CDC7: variants seen among roughly 807,000 people sequenced by gnomAD.
CDC7 encodes cell division cycle 7-related protein kinase.
In CDC7, 34 loss-of-function variants were observed where a neutral mutation model predicts 53.5. The observed-to-expected ratio is 0.64, with a 90% CI of 0.48 to 0.85. The LOEUF (loss-of-function observed/expected upper bound fraction) is 0.85, where lower values mean the gene tolerates loss of function less well. Ranked by LOEUF, CDC7 falls within the 40% of genes least tolerant of loss-of-function variation. CDC7 has a pLI of 0.00. For synonymous variants in CDC7, 211 were observed against 222.8 expected (o/e 0.95, Z 0.47); for missense variants, 594 against 679.7 (o/e 0.87, Z 1.40).
Position 91,509,755 on chromosome 1 carries a change from T to C in CDC7, c.335+1358T>C, listed in dbSNP as rs369933916. Among the ~76,000 whole-genome samples the C allele has an allele frequency of 9.5e-4, 145 of 152,242 alleles. 1 individual carries two copies. Among genetic ancestry groups the C allele is most frequent in the African/African-American group, 3.4e-3 (140 of 41,546 alleles). ...CTTTCAGTGGTTTCCCTATGTACTT[T>C]GAAAAAAAAATTCAACCTTCTCATG... On this transcript the variant is annotated intron_variant, in intron 4 of 11. Coordinates refer to ENST00000234626, the MANE Select transcript of CDC7 (RefSeq NM_003503.4).
At chr1:91,511,146 T>C (rs974504457) in intron 4 of CDC7, among the ~76,000 whole-genome samples, 2 of 152,138 alleles carry the variant, frequency 1.3e-5, no homozygotes, top group Admixed American at 1.3e-4. Context: ...CTCAAAATCA[T>C]AGAAATCACC....
intron 9 of CDC7, 107 bp downstream of exon 9, chr1:91,515,104 G>T: frequency 1.3e-6 from 1 of 772,736 alleles, no homozygotes. Context: ...TCAGATCAGT[G>T]AACTGCAATG....
intron 7 of CDC7, 66 bp from the exon 8 acceptor site, chr1:91,513,882 G>T (rs1667415546): frequency 3.5e-6 from 4 of 1,142,250 alleles, no homozygotes; most frequent in Non-Finnish European, 3.9e-6. Flanking sequence ...AACTATGGCA[G>T]AGTACAGCTG....
chr1:91,520,846 G>A (rs1667902093), intron 11 of CDC7, among the ~76,000 whole-genome samples: 1 of 152,012 alleles, frequency 6.6e-6, no homozygotes. Flanking sequence ...TTAACTGATG[G>A]GATATTATTG....
intron 8 of CDC7, 42 bp downstream of exon 8, chr1:91,514,085 A>C: frequency 7.9e-7 from 1 of 1,273,298 alleles, no homozygotes; most frequent in Non-Finnish European, 1.1e-6. Context: ...AGTCAGTCAT[A>C]CACTGAAGAG....
intron 3 of CDC7, 47 bp downstream of exon 3, chr1:91,507,984 A>G: frequency 6.7e-7 from 1 of 1,490,640 alleles, no homozygotes; most frequent in Non-Finnish European, 9.0e-7. Context: ...TCTTTTTTCC[A>G]TTCTATTTTC....
At chr1:91,506,873 G>T (rs13447485) in intron 2 of CDC7, among the ~76,000 whole-genome samples, 2,989 of 152,126 alleles carry the variant, frequency 0.02, 97 homozygotes, top group African/African-American at 0.068. Context: ...TCTCTTGAAC[G>T]CAGGAGGCAG....
intron 1 of CDC7, 191 bp downstream of exon 1, chr1:91,501,139 G>C (rs886271066): frequency 6.6e-6 from 1 of 152,306 alleles, no homozygotes; most frequent in African/African-American, 2.4e-5. Context: ...GAGGGAAGCC[G>C]GTCCTTCCCG....
chr1:91,516,422 C>T (rs960242668), intron 10 of CDC7, among the ~76,000 whole-genome samples: 2 of 152,146 alleles, frequency 1.3e-5, no homozygotes, highest in South Asian at 2.1e-4. Context: ...ATCCAGGAAA[C>T]ATCTTGAATG....
intron 2 of CDC7, among the ~76,000 whole-genome samples, chr1:91,506,331 C>A (rs1324373385): frequency 6.6e-6 from 1 of 152,084 alleles, no homozygotes. Context: ...CAGCCCTCCC[C>A]CTACCCTAAT....
At chr1:91,507,406 T>C (rs1446138361) in intron 2 of CDC7, among the ~76,000 whole-genome samples, 1 of 152,234 alleles carries the variant, frequency 6.6e-6, no homozygotes, top group Non-Finnish European at 1.5e-5. Context: ...AGGCCTTCTC[T>C]CTGAAAATAT....
At chr1:91,504,678 G>A (rs1251438635) in intron 2 of CDC7, among the ~76,000 whole-genome samples, 1 of 152,098 alleles carries the variant, frequency 6.6e-6, no homozygotes, top group Non-Finnish European at 1.5e-5. Flanking sequence ...TATTCCTGCT[G>A]CCTTTTCACT....
chr1:91,520,112 A>G lies in CDC7; in HGVS notation c.1181-18A>G, dbSNP rs1413662372. On this transcript the variant is annotated intron_variant, in intron 10 of 11. Transcript: ENST00000234626. ...TATAGATTTGAAATTTATTTTTAAA[A>G]TTTGTCTTCTGTTGCAGCAATTGAC... The G allele has an allele frequency of 1.3e-6, 2 of 1,545,096 alleles. No individual in the cohort carries two copies. The highest frequency in any genetic ancestry group is 4.6e-5 in the East Asian group (2 of 43,394).
chr1:91,521,527 A>C (rs1396557986), intron 11 of CDC7, among the ~76,000 whole-genome samples: 2 of 152,232 alleles, frequency 1.3e-5, no homozygotes, highest in African/African-American at 4.8e-5. Flanking sequence ...TTTGAAGATA[A>C]TAGGATGAAA....
At chr1:91,513,403 A>G (rs567626730) in intron 7 of CDC7, 96 bp downstream of exon 7, 1 of 1,138,780 alleles carries the variant, frequency 8.8e-7, no homozygotes, top group Non-Finnish European at 1.2e-6. Context: ...AGTACTTATA[A>G]TTTAAAAAAC....
At chr1:91,512,362 A>G (rs1196278221) in intron 6 of CDC7, among the ~76,000 whole-genome samples, 1 of 151,104 alleles carries the variant, frequency 6.6e-6, no homozygotes, top group African/African-American at 2.4e-5. Flanking sequence ...TATTAGATGT[A>G]CTATGGTTCA....
intron 2 of CDC7, among the ~76,000 whole-genome samples, chr1:91,506,198 C>T (rs1458065044): frequency 2.6e-5 from 4 of 151,846 alleles, no homozygotes; most frequent in African/African-American, 9.7e-5. Context: ...TGTTTTTTAG[C>T]TTTTTTAAGA....
chr1:91,524,356 T>C lies in CDC7; in HGVS notation c.1646T>C (p.Leu549Pro). 6.2e-7 allele frequency: 1 copy of C among 1,613,594 alleles called. No homozygotes were observed. Among genetic ancestry groups the C allele is most frequent in the Non-Finnish European group, 8.5e-7 (1 of 1,179,812 alleles). Reference protein sequence around the residue: ...PDEAYDLLDKLLDLNPASRIT... With the variant: ...PDEAYDLLDKPLDLNPASRIT... ...GAAGCTTATGACCTGCTTGATAAAC[T>C]TCTAGATCTAAATCCAGCTTCAAGA... The change falls in exon 12 of 12, where the codon CTT becomes CCT. Residue 549 changes from leucine to proline, a missense_variant. Leu to Pro is a moderately conservative substitution (Grantham distance 98, BLOSUM62 -3). Transcript: ENST00000234626.
intron 4 of CDC7, among the ~76,000 whole-genome samples, chr1:91,511,286 C>A (rs1667273246): frequency 6.6e-6 from 1 of 152,106 alleles, no homozygotes; most frequent in African/African-American, 2.4e-5. Context: ...TTATTTATTA[C>A]TGTTACCATC....
Sources: gnomAD v4.1 joint callset for allele counts (sites outside exome capture counted in the v4.1 genomes callset) on GRCh38, gnomAD v4.1.1 for gene constraint, MANE v1.5 for transcripts, NCBI Gene and HGNC (gene_info 2026-07-23, HGNC 2026-07-21) for gene names.